The following LZTR1 variants were observed in gnomAD, a reference collection of about 807,000 sequenced individuals.
LZTR1 encodes leucine-zipper-like transcriptional regulator 1.
LZTR1 carries 260 observed loss-of-function variants against 105.7 expected under a neutral mutation model. The ratio of observed to expected loss-of-function variants is 2.46; its 90% CI spans 2.22 to 2.72. The LOEUF (loss-of-function observed/expected upper bound fraction) is 2.72, where lower values mean the gene tolerates loss of function less well. Among genes scored for constraint, LZTR1 ranks in the 30% most tolerant of loss-of-function variants. The pLI, the probability that LZTR1 is intolerant of heterozygous loss-of-function variation, is 0.00. For synonymous variants in LZTR1, 490 were observed against 476.4 expected, an observed-to-expected ratio of 1.03 and a Z score of -0.37; for missense variants, 1,214 against 1,166.9, an observed-to-expected ratio of 1.04 and a Z score of -0.59.
intron 6 of LZTR1, among the ~76,000 whole-genome samples, chr22:20,989,417 T>C (rs1171795848): frequency 6.6e-6 from 1 of 152,222 alleles, no homozygotes. Context: ...AGAGTACTTG[T>C]TCTGTCTGGG....
chr22:20,996,169 C>T lies in LZTR1; in HGVS notation c.2219+57C>T, dbSNP rs892049742. ...CCCACCAAGGGGTCCTGGCACCCAC[C>T]TCAGGTGGCTTTGAGGCCCGCTCTC... is the stretch of plus-strand genomic sequence containing the variant. On this transcript the variant is annotated intron_variant, in intron 18 of 20. Transcript: ENST00000646124. 1.4e-5 allele frequency: 22 copies of T among 1,583,974 alleles called. No individual in the cohort carries two copies. The African/African-American group carries it at 1.9e-4, about 14-fold the overall frequency.
chr22:20,984,449 A>C (rs765735235), intron 2 of LZTR1, among the ~76,000 whole-genome samples: 5 of 152,246 alleles, frequency 3.3e-5, no homozygotes, highest in Admixed American at 6.5e-5. Context: ...GAGTGTCCTT[A>C]GCAGGTAGTT....
Position 20,994,158 on chromosome 22 carries a change from G to A in LZTR1, c.1504G>A (p.Gly502Ser). 6.3e-7 allele frequency: 1 copy of A among 1,595,900 alleles called. No individual in the cohort carries two copies. Among genetic ancestry groups the A allele is most frequent in the South Asian group, 1.1e-5 (1 of 89,792 alleles). Residue 502 changes from glycine (G) to serine (S), a missense_variant, in exon 14 of 21, where the codon GGT becomes AGT. By Grantham distance (56) the Gly-to-Ser change is moderately conservative. Coordinates refer to ENST00000646124, the MANE Select transcript of LZTR1 (RefSeq NM_006767.4). ...CAGGGAGGCCCCCGGCGTGGCTGCT[G>A]GTGGGGCCCGGCCGCCCCTGCTGCA... The part of the protein sequence containing the change: ...VPREAPGVAA[G>S]GARPPLLHVA...
In LZTR1 at chr22:20,990,462, T is replaced by C; in HGVS notation, c.728T>C (p.Phe243Ser). 1 of 1,614,062 alleles carries C rather than the reference T, an allele frequency of 6.2e-7. No individual in the cohort carries two copies. The highest frequency in any genetic ancestry group is 8.5e-7 in the Non-Finnish European group (1 of 1,180,008). Residue 243 changes from phenylalanine (F) to serine (S), a missense_variant, in exon 8 of 21, where the codon TTC (phenylalanine) becomes TCC (serine). By Grantham distance (155) the Phe-to-Ser change is radical. Transcript: ENST00000646124. ...GTGTGCCGGGACAAGATGTTTGTATTCTCTGGGCAAAGCGGAGCCAAAATA... is the reference window on the plus strand; with the variant it reads ...GTGTGCCGGGACAAGATGTTTGTATCCTCTGGGCAAAGCGGAGCCAAAATA... ...VAVCRDKMFV[F>S]SGQSGAKITN...
Position 20,996,757 on chromosome 22 carries a change from A to T in LZTR1, c.2281A>T (p.Lys761Ter), listed in dbSNP as rs2147970361. ...CAACAACCGGCTGCAGGCGTACTGC[A>T]AGCAGAACCTGGAGATGAACGTGAC... ...FYNNRLQAYCKQNLEMNVTVQ... is the reference protein window; with the variant it reads ...FYNNRLQAYC The change falls in exon 19 of 21, where the codon AAG becomes TAG. Residue 761 changes from lysine to a stop codon, truncating the protein, a stop_gained. Transcript: ENST00000646124. LOFTEE classifies it high-confidence loss of function. The T allele has an allele frequency of 6.2e-7, 1 of 1,613,516 alleles. No homozygotes were observed. The highest frequency in any genetic ancestry group is 8.5e-7 in the Non-Finnish European group (1 of 1,179,976).
At chr22:20,986,776 T>C (rs1479553733) in intron 3 of LZTR1, 2 of 152,148 alleles carry the variant, frequency 1.3e-5, no homozygotes, top group Non-Finnish European at 2.9e-5. Flanking sequence ...TTAAATGAAA[T>C]TGATGGACCC....
intron 18 of LZTR1, 193 bp from the exon 19 acceptor site, chr22:20,996,503 T>A: frequency 1.6e-6 from 1 of 608,652 alleles, no homozygotes; most frequent in East Asian, 2.8e-5. Context: ...ACAGACACTA[T>A]TTTTCTCGGG....
At chr22:20,993,410 A>G in intron 11 of LZTR1, 1 of 573,666 alleles carries the variant, frequency 1.7e-6, no homozygotes, top group Non-Finnish European at 3.1e-6. Flanking sequence ...GGCCCAGCCG[A>G]AGGCAAGAGA....
chr22:20,991,693 G>C lies in LZTR1; in HGVS notation c.857G>C (p.Gly286Ala). 6.2e-7 allele frequency: 1 copy of C among 1,601,924 alleles called. No individual in the cohort carries two copies. The highest frequency in any genetic ancestry group is 8.5e-7 in the Non-Finnish European group (1 of 1,175,666). ...GSPPPPQRRY[G>A]HTMVAFDRHL... is the part of the protein sequence containing the mutation. ...CCACCACCCCCGCAGCGGCGCTACGGGCATACCATGGTGGCCTTTGACCGC... is the reference window on the plus strand; with the variant it reads ...CCACCACCCCCGCAGCGGCGCTACGCGCATACCATGGTGGCCTTTGACCGC... Residue 286 changes from glycine to alanine, a missense_variant, in exon 9 of 21, where the codon GGG becomes GCG. By Grantham distance (60) the Gly-to-Ala change is moderately conservative. Coordinates refer to ENST00000646124, the MANE Select transcript of LZTR1 (RefSeq NM_006767.4).
intron 11 of LZTR1, 152 bp downstream of exon 11, chr22:20,993,056 G>A (rs1924664182): frequency 1.6e-6 from 1 of 625,942 alleles, no homozygotes; most frequent in African/African-American, 1.9e-5. Context: ...TGTGGGCTGA[G>A]GGTGGGCTGA....
At chr22:20,987,673 GC>G in intron 4 of LZTR1, 90 bp downstream of exon 4, 1 of 1,178,656 alleles carries the variant, frequency 8.5e-7, no homozygotes, top group Non-Finnish European at 1.3e-6. Flanking sequence ...TTGTGCTCGT[GC>G]TGTGTACAGC....
chr22:20,984,570 T>C (rs963575838), intron 2 of LZTR1, among the ~76,000 whole-genome samples: 3 of 114,000 alleles, frequency 2.6e-5, no homozygotes, highest in African/African-American at 1.0e-4. Context: ...ACTGCCTGAG[T>C]ACAAAGAAAG....
chr22:20,987,405 A>T, intron 3 of LZTR1, 99 bp from the exon 4 acceptor site: 1 of 670,130 alleles, frequency 1.5e-6, no homozygotes, highest in Non-Finnish European at 2.7e-6. Flanking sequence ...AAAAAAAAAG[A>T]AAAAAGAAAG....
chr22:20,988,924 G>T, intron 6 of LZTR1, 52 bp downstream of exon 6: 1 of 1,520,086 alleles, frequency 6.6e-7, no homozygotes, highest in South Asian at 1.1e-5. Flanking sequence ...CTGAGACCCG[G>T]AGCAGGCCGT....
intron 2 of LZTR1, among the ~76,000 whole-genome samples, chr22:20,984,531 T>C (rs1924302707): frequency 6.9e-6 from 1 of 145,814 alleles, no homozygotes; most frequent in African/African-American, 2.5e-5. Flanking sequence ...GATACAAATT[T>C]GTCTCACACT....
At chr22:20,993,820 GA>G in intron 12 of LZTR1, 66 bp downstream of exon 12, 1 of 1,574,206 alleles carries the variant, frequency 6.4e-7, no homozygotes. Context: ...TCGCCCCTCA[GA>G]AAAACAGCTG....
chr22:20,994,489 G>A (rs941983483), intron 14 of LZTR1, 69 bp from the exon 15 acceptor site: 4 of 1,520,486 alleles, frequency 2.6e-6, no homozygotes, highest in Non-Finnish European at 3.6e-6. Context: ...TTCCATGGGG[G>A]GAGCCCTGCG....
intron 12 of LZTR1, 51 bp downstream of exon 12, chr22:20,993,805 G>A: frequency 6.3e-7 from 1 of 1,579,268 alleles, no homozygotes; most frequent in Non-Finnish European, 8.6e-7. Context: ...TGGGCAGTGG[G>A]AATTTCGCCC....
Position 20,994,184 on chromosome 22 carries a change from C to T in LZTR1, c.1530C>T (p.His510=), listed in dbSNP as rs190714197. The T allele has an allele frequency of 1.7e-3, 2,749 of 1,602,810 alleles. 9 individuals carry two copies. The highest frequency in any genetic ancestry group is 4.0e-3 in the Middle Eastern group (24 of 6,024). ...GTGGGGCCCGGCCGCCCCTGCTGCA[C>T]GTGGCCATCCGGGAGGCCGAGGCCC... ...AAGGARPPLL[H]VAIREAEARP... is the part of the protein sequence containing the mutation. The change falls in exon 14 of 21, where the codon CAC becomes CAT. Residue 510 remains histidine, a synonymous_variant. Coordinates refer to ENST00000646124, the MANE Select transcript of LZTR1 (RefSeq NM_006767.4).
Sources: allele counts gnomAD v4.1 joint callset (sites outside exome capture counted in the v4.1 genomes callset), GRCh38; gene constraint gnomAD v4.1.1; transcripts MANE v1.5; gene names NCBI Gene and HGNC (gene_info 2026-07-23, HGNC 2026-07-21).